Variants in CLN3 observed in about 807,000 individuals in gnomAD.
The protein encoded by CLN3 is CLN3 lysosomal/endosomal transmembrane protein, battenin, also known as battenin.
Under a neutral mutation model 60.7 loss-of-function variants are expected in CLN3, and 49 were observed. The observed-to-expected ratio is 0.81, with a 90% CI of 0.64 to 1.02. The LOEUF is 1.02. CLN3 is among the 50% of genes least tolerant of loss of function. The pLI is 0.00. For synonymous variants in CLN3, 256 were observed against 245.8 expected, an observed-to-expected ratio of 1.04 and a Z score of -0.39; for missense variants, 516 against 557.4, an observed-to-expected ratio of 0.93 and a Z score of 0.75.
Position 28,477,356 on chromosome 16 carries a change from C to A in CLN3, c.*160G>T, listed in dbSNP as rs1380954530. 2 of 909,162 alleles carry A rather than the reference C, an allele frequency of 2.2e-6. No individual in the cohort carries two copies. The highest frequency in any genetic ancestry group is 3.4e-6 in the Non-Finnish European group (2 of 580,996). 56.3% of individuals were successfully genotyped at this position (909,162 alleles called of 1,614,324 possible). ...CCCCAAGTGGGAGACAATGGCTGGC[C>A]CCCCTGCAAGGGAAACAAGGCTTCA... On this transcript the variant is annotated 3_prime_UTR_variant, in exon 16 of 16. Coordinates refer to ENST00000636147, the MANE Select transcript of CLN3 (RefSeq NM_001042432.2).
intron 10 of CLN3, among the ~76,000 whole-genome samples, chr16:28,483,739 T>G (rs1263390494): frequency 8.4e-6 from 1 of 119,200 alleles, no homozygotes; most frequent in Non-Finnish European, 1.8e-5. Flanking sequence ...TTTTTTTTTT[T>G]GCGACAAGGT....
intron 14 of CLN3, 129 bp from the exon 15 acceptor site, chr16:28,478,006 T>A: frequency 9.3e-7 from 1 of 1,075,894 alleles, no homozygotes; most frequent in Non-Finnish European, 1.4e-6. Flanking sequence ...CTAGATAAAA[T>A]CTCAACACCA....
Position 28,491,731 on chromosome 16 carries a change from C to T in CLN3, c.29G>A (p.Arg10His). The T allele has an allele frequency of 1.2e-6, 2 of 1,613,952 alleles. No individual in the cohort carries two copies. Among genetic ancestry groups the T allele is most frequent in the Admixed American group, 1.7e-5 (1 of 60,014 alleles). The change falls in exon 2 of 16, where the codon CGC (arginine) becomes CAC (histidine). Residue 10 changes from arginine to histidine, a missense_variant. Arg to His is a conservative substitution (Grantham distance 29). Transcript: ENST00000636147. Reference sequence around the variant, plus strand: ...ATACTCACCCTCGGAATCCGAAAAGCGCCGCCGCGAGCCTGCACAGCCTCC... The same window carrying T: ...ATACTCACCCTCGGAATCCGAAAAGTGCCGCCGCGAGCCTGCACAGCCTCC... MGGCAGSRR[R>H]FSDSEGEETV...
At position 28,491,633 on chromosome 16, in the gene CLN3, G is replaced by A. The variant is rs781245376; in HGVS notation, c.47-73C>T. 4 of 1,613,686 alleles carry A rather than the reference G, an allele frequency of 2.5e-6. No individual in the cohort carries two copies. In the Admixed American group the frequency reaches 6.7e-5, roughly 27 times the overall value. ...CGACCGCTCCTTGCGTGTCCTCCCG[G>A]GGCCGAGTCAGCTCTCATTCCCCTC... On this transcript the variant is annotated intron_variant, in intron 2 of 15. Coordinates refer to ENST00000636147, the MANE Select transcript of CLN3 (RefSeq NM_001042432.2).
At chr16:28,490,945 C>G (rs2046304509) in intron 3 of CLN3, 1 of 153,932 alleles carries the variant, frequency 6.5e-6, no homozygotes, top group African/African-American at 2.4e-5. Context: ...GTGGTGCACA[C>G]CTGTAGCCAC....
Position 28,490,569 on chromosome 16 carries a change from G to A in CLN3, c.125+913C>T, listed in dbSNP as rs372914321. On this transcript the variant is annotated intron_variant, in intron 3 of 15. Transcript: ENST00000636147. ...AGGTCAGGAGATCGAGACCATCCTG[G>A]ATAACGCGGTGAAACCCCATCTCTA... Among the ~76,000 whole-genome samples the A allele has an allele frequency of 1.6e-3, 236 of 151,530 alleles. 2 individuals are homozygous for A. In the South Asian group the frequency reaches 0.016, roughly 10 times the overall value.
chr16:28,477,976 G>A, intron 14 of CLN3, 99 bp from the exon 15 acceptor site: 2 of 1,371,648 alleles, frequency 1.5e-6, no homozygotes, highest in South Asian at 1.2e-5. Context: ...AGTTACTGGT[G>A]AAGGAGAGGG....
At chr16:28,486,213 G>A in intron 9 of CLN3, 134 bp downstream of exon 9, 1 of 1,146,908 alleles carries the variant, frequency 8.7e-7, no homozygotes, top group Non-Finnish European at 1.3e-6. Flanking sequence ...GGCCAGGCTG[G>A]TTTCCTGACC....
At chr16:28,474,829 T>C (rs1033309504), downstream of CLN3, among the ~76,000 whole-genome samples, 1 of 152,136 alleles carries the variant, frequency 6.6e-6, no homozygotes, top group African/African-American at 2.4e-5. Context: ...TGGCTGGGTG[T>C]GGTGGCTCAT....
downstream of CLN3, among the ~76,000 whole-genome samples, chr16:28,472,457 A>T (rs2045957765): frequency 6.6e-6 from 1 of 152,198 alleles, no homozygotes. Flanking sequence ...TTTTCTGCAC[A>T]GACTGCTGTA....
chr16:28,486,721 G>C, intron 7 of CLN3, 71 bp from the exon 8 acceptor site: 1 of 1,417,318 alleles, frequency 7.1e-7, no homozygotes, highest in Admixed American at 1.9e-5. Flanking sequence ...TAATGTGTCT[G>C]GCCATGGCCT....
chr16:28,475,551 C>T (rs1370407313), downstream of CLN3: 1 of 152,228 alleles, frequency 6.6e-6, no homozygotes, highest in Admixed American at 6.5e-5. Flanking sequence ...CCTTCTGCCC[C>T]CAAAGCCCAT....
chr16:28,487,594 TC>T lies in CLN3; in HGVS notation c.375-54del, dbSNP rs112904247. Reference sequence around the variant, plus strand: ...GGAAGGTCGGTCTCTACTCTCAGCATCTCAGCCATCCCAGCCTCCCCTTTCT... The same window carrying T: ...GGAAGGTCGGTCTCTACTCTCAGCATTCAGCCATCCCAGCCTCCCCTTTCT... On this transcript the variant is annotated intron_variant, in intron 6 of 15. Transcript: ENST00000636147. 3.1e-6 allele frequency: 5 copies of T among 1,596,538 alleles called. No individual in the cohort carries two copies. In the African/African-American group the frequency reaches 4.0e-5, roughly 13 times the overall value.
downstream of CLN3, chr16:28,476,175 C>T: frequency 6.6e-6 from 1 of 152,238 alleles, no homozygotes. Flanking sequence ...GTGTGAGCCA[C>T]AGTGCCTGGC....
chr16:28,470,501 G>T (rs550833262), downstream of CLN3: 69 of 1,437,960 alleles, frequency 4.8e-5, no homozygotes, highest in Middle Eastern at 8.0e-4. Context: ...CTTAGGGCAG[G>T]GGGGAGGGAA....
intron 4 of CLN3, among the ~76,000 whole-genome samples, 176 bp from the exon 5 acceptor site, chr16:28,488,838 T>C (rs1195559985): frequency 6.6e-6 from 1 of 152,200 alleles, no homozygotes; most frequent in Non-Finnish European, 1.5e-5. Flanking sequence ...CATATGAGTC[T>C]CACACTACTA....
At position 28,484,082 on chromosome 16, in the gene CLN3, G is replaced by A. The variant is rs1487474741; in HGVS notation, c.714C>T (p.Asp238=). The A allele has an allele frequency of 1.2e-6, 2 of 1,612,400 alleles. No individual in the cohort carries two copies. The highest frequency in any genetic ancestry group is 3.3e-5 in the Admixed American group (2 of 59,742). The change falls in exon 10 of 16, where the codon GAC becomes GAT. Residue 238 remains aspartate, a synonymous_variant. Coordinates refer to ENST00000636147, the MANE Select transcript of CLN3 (RefSeq NM_001042432.2). ...FLLLTSPEAQ[D]PGGEEEAESA... is the part of the protein sequence containing the mutation. ...TCTCTGCTTCTTCTTCCCCTCCAGG[G>A]TCCTGGGCCTCAGGAGATGTGAGCA...
At chr16:28,489,217 T>C (rs2046271557) in intron 4 of CLN3, 73 bp downstream of exon 4, 1 of 1,212,842 alleles carries the variant, frequency 8.2e-7, no homozygotes. Context: ...CTGGAAACTT[T>C]ACCCCACCTT....
Position 28,477,888 on chromosome 16 carries a change from G to A in CLN3, c.1057-11C>T, listed in dbSNP as rs189498501. The A allele has an allele frequency of 4.3e-5, 69 of 1,613,346 alleles. No homozygotes were observed. The East Asian group carries it at 9.8e-4, about 23-fold the overall frequency. On this transcript the variant is annotated splice_polypyrimidine_tract_variant and intron_variant, in intron 14 of 15. Transcript: ENST00000636147. ...CACCAGGTTGAGGCACTGTGAACAG[G>A]GGGAGAGGCTAAGCCTGGGACCAGG...
Sources: gnomAD v4.1 joint callset for allele counts (sites outside exome capture counted in the v4.1 genomes callset) on GRCh38, gnomAD v4.1.1 for gene constraint, MANE v1.5 for transcripts, NCBI Gene and HGNC (gene_info 2026-07-23, HGNC 2026-07-21) for gene names.